Variants in OTOF observed in about 807,000 individuals in gnomAD.
The protein encoded by OTOF is otoferlin.
A neutral mutation model predicts 236.8 loss-of-function variants in OTOF; 218 were observed. The ratio of observed to expected loss-of-function variants is 0.92; its 90% confidence interval spans 0.82 to 1.03. OTOF has a LOEUF of 1.03. Ranked by LOEUF, OTOF falls within the 50% of genes least tolerant of loss-of-function variation. The probability of loss-of-function intolerance (pLI) is 0.00; values close to 1 mark genes in which losing one functional copy is unlikely to be tolerated. For missense variants in OTOF, 2,590 were observed against 2,694.4 expected, an observed-to-expected ratio of 0.96 and a Z score of 0.86; for synonymous variants, 1,041 against 1,072.5, an observed-to-expected ratio of 0.97 and a Z score of 0.57.
At chr2:26,464,837 G>T (rs778848996) in intron 39 of OTOF, 32 bp downstream of exon 39, 12 of 1,593,178 alleles carry the variant, frequency 7.5e-6, no homozygotes, top group Admixed American at 1.7e-5. Context: ...CCCTGGAGAG[G>T]GGGCAGGCGG....
chr2:26,473,177 T>C lies in OTOF; in HGVS notation c.3688A>G (p.Ile1230Val), dbSNP rs1228398927. 9.3e-6 allele frequency: 15 copies of C among 1,612,800 alleles called. No homozygotes were observed. The highest frequency in any genetic ancestry group is 1.3e-5 in the African/African-American group (1 of 74,888). The part of the protein sequence containing the change: ...SHAVSSLRRF[I>V]YRPPDRSAPS... ...GCCGAGCGGTCTGGGGGCCGGTAGATGAAGCGTCGCAGGGAGCTGACGGCA... is the reference window on the plus strand; with the variant it reads ...GCCGAGCGGTCTGGGGGCCGGTAGACGAAGCGTCGCAGGGAGCTGACGGCA... The change falls in exon 29 of 47, where the codon ATC becomes GTC. Residue 1230 changes from isoleucine to valine, a missense_variant. Physicochemically the swap from Ile to Val is conservative, Grantham distance 29 (BLOSUM62 3). This residue lies in a region of OTOF where 1,211 missense variants were observed against 1,352.8 expected (regional missense o/e 0.90). Coordinates refer to ENST00000272371, the MANE Select transcript of OTOF (RefSeq NM_194248.3). This position sits in a 1 kb window ranked among gnomAD's most constrained non-coding sequence, Gnocchi z 7.2.
intron 3 of OTOF, among the ~76,000 whole-genome samples, chr2:26,519,913 T>G (rs1666634577): frequency 6.6e-6 from 1 of 152,206 alleles, no homozygotes; most frequent in Admixed American, 6.5e-5. Flanking sequence ...ATGTACTGCC[T>G]CTAAACTGTG....
chr2:26,546,331 C>T (rs1452392172), intron 1 of OTOF, among the ~76,000 whole-genome samples: 1 of 152,014 alleles, frequency 6.6e-6, no homozygotes, highest in Non-Finnish European at 1.5e-5. Context: ...AGTGATGGTG[C>T]ATGCCTGTAA....
Position 26,460,120 on chromosome 2 carries a change from G to T in OTOF, c.5899C>A (p.Leu1967Ile). Residue 1967 changes from leucine (L) to isoleucine (I), a missense_variant, in exon 46 of 47, where the codon CTC (leucine) becomes ATC (isoleucine). Coordinates refer to ENST00000272371, the MANE Select transcript of OTOF (RefSeq NM_194248.3). The surrounding 1 kb of genome is among the most constrained non-coding windows in gnomAD (Gnocchi z 5.3). ...AGCAGCAGGAGCAGCAACAGTTTGA[G>T]GAGCAGCCAGCGATACGTGTGCCAC... ...FLWHTYRWLLLKLLLLLLLLL... is the reference protein window; with the variant it reads ...FLWHTYRWLLIKLLLLLLLLL... The T allele has an allele frequency of 6.3e-7, 1 of 1,593,978 alleles. No homozygotes were observed. The highest frequency in any genetic ancestry group is 2.3e-5 in the East Asian group (1 of 44,228).
At chr2:26,471,231 T>C in intron 30 of OTOF, 81 bp from the exon 31 acceptor site, 1 of 1,520,584 alleles carries the variant, frequency 6.6e-7, no homozygotes, top group Non-Finnish European at 9.1e-7. Context: ...ACAGGGTGTG[T>C]GGAGGAGCCG....
In OTOF at chr2:26,477,707, T is replaced by C; in HGVS notation, c.2257A>G (p.Lys753Glu). The C allele has an allele frequency of 6.2e-7, 1 of 1,612,660 alleles. No homozygotes were observed. The highest frequency in any genetic ancestry group is 8.5e-7 in the Non-Finnish European group (1 of 1,179,970). Residue 753 changes from lysine (K) to glutamate (E), a missense_variant, in exon 19 of 47, where the codon AAG (lysine) becomes GAG (glutamate). Physicochemically the swap from Lys to Glu is moderately conservative, Grantham distance 56. Transcript: ENST00000272371. The surrounding 1 kb of genome is among the most constrained non-coding windows in gnomAD (Gnocchi z 4.7). The stretch of plus-strand genomic sequence containing the variant: ...CGCAGGCGACGCTCAGGGTAGGACT[T>C]CTCCGTTTTGATCATCTCCTGTATG... ...NDIQEMIKTE[K>E]SYPERRLRGV...
In OTOF at chr2:26,460,638, G is replaced by A. The variant is rs1328837186; in HGVS notation, c.5813+9C>T. The A allele has an allele frequency of 1.2e-6, 2 of 1,609,638 alleles. No homozygotes were observed. The highest frequency in any genetic ancestry group is 1.7e-5 in the Admixed American group (1 of 59,982). On this transcript the variant is annotated intron_variant, in intron 45 of 46. Transcript: ENST00000272371. This position sits in a 1 kb window ranked among gnomAD's most constrained non-coding sequence, Gnocchi z 5.3. ...GAGTGGGGAGGGGCTGGGCCGGCAG[G>A]GCACTCACTTGGGTTTCTCTAGGGG...
At chr2:26,485,379 C>T (rs578260798) in intron 11 of OTOF, among the ~76,000 whole-genome samples, 25 of 152,190 alleles carry the variant, frequency 1.6e-4, no homozygotes, top group Non-Finnish European at 3.1e-4. Context: ...TCTCTGTGCT[C>T]TCCATGCACA....
chr2:26,527,943 G>C, intron 2 of OTOF, 23 bp from the exon 3 acceptor site: 2 of 1,566,680 alleles, frequency 1.3e-6, no homozygotes, highest in Non-Finnish European at 1.8e-6. Context: ...GGACAACTGC[G>C]GCTTCGGTGG....
In OTOF at chr2:26,482,501, A is replaced by C; in HGVS notation, c.1484T>G (p.Met495Arg). ...TDLFPPLCKRMKVQIRDSDKV... is the reference protein window; with the variant it reads ...TDLFPPLCKRRKVQIRDSDKV... ...GTCCGAGTCTCGGATCTGCACCTTCATGCGTTTGCAGAGTGGGGGGAAGAG... is the reference window on the plus strand; with the variant it reads ...GTCCGAGTCTCGGATCTGCACCTTCCTGCGTTTGCAGAGTGGGGGGAAGAG... The change falls in exon 14 of 47, where the codon ATG (methionine) becomes AGG (arginine). Residue 495 changes from methionine to arginine, a missense_variant. By Grantham distance (91) the Met-to-Arg change is moderately conservative. This residue lies in a region of OTOF where 1,379 missense variants were observed against 1,341.6 expected (regional missense o/e 1.03). Transcript: ENST00000272371. The C allele has an allele frequency of 1.2e-6, 2 of 1,613,336 alleles. No individual in the cohort carries two copies. Among genetic ancestry groups the C allele is most frequent in the Middle Eastern group, 1.6e-4 (1 of 6,062 alleles).
chr2:26,494,720 T>C (rs1008033540), intron 9 of OTOF, among the ~76,000 whole-genome samples: 1 of 151,706 alleles, frequency 6.6e-6, no homozygotes, highest in Non-Finnish European at 1.5e-5. Flanking sequence ...GGTGTACGCT[T>C]CAAAGACCAG....
intron 3 of OTOF, among the ~76,000 whole-genome samples, chr2:26,521,228 A>ATGGCTGGT (rs1666668819): frequency 6.6e-6 from 1 of 152,150 alleles, no homozygotes; most frequent in African/African-American, 2.4e-5. Flanking sequence ...CCCTTTGTGG[A>ATGGCTGGT]TGGCTATTCA....
chr2:26,517,016 G>A (rs567913664), intron 4 of OTOF, among the ~76,000 whole-genome samples: 4 of 152,178 alleles, frequency 2.6e-5, no homozygotes, highest in African/African-American at 7.2e-5. Flanking sequence ...GGCGCGGCCC[G>A]CCAGAAATCG....
chr2:26,523,506 G>A (rs115524171), intron 3 of OTOF, among the ~76,000 whole-genome samples: 562 of 152,264 alleles, frequency 3.7e-3, no homozygotes, highest in African/African-American at 0.012. Flanking sequence ...CTCCCAGGCA[G>A]CTCCTCCATG....
chr2:26,483,272 C>T (rs1018808268), intron 13 of OTOF, among the ~76,000 whole-genome samples, 190 bp downstream of exon 13: 5 of 152,116 alleles, frequency 3.3e-5, no homozygotes, highest in Admixed American at 1.3e-4. Context: ...TCTCCTCCCT[C>T]TCATGCCCCC....
At position 26,480,177 on chromosome 2, in the gene OTOF, G is replaced by A. The variant is rs749952042; in HGVS notation, c.1912+26C>T. 1.7e-5 allele frequency: 24 copies of A among 1,423,434 alleles called. 1 individual carries two copies. In the South Asian group the frequency reaches 1.8e-4, roughly 11 times the overall value. 88.2% of individuals were successfully genotyped at this position (1,423,434 alleles called of 1,614,324 possible). ...GTGGGCCCAGCACTCACCTAGGCCC[G>A]AAGCCCCCGTGGGCCCAGCACTCAC... On this transcript the variant is annotated intron_variant, in intron 16 of 46. Coordinates refer to ENST00000272371, the MANE Select transcript of OTOF (RefSeq NM_194248.3).
chr2:26,528,825 G>A (rs186188029), intron 2 of OTOF, among the ~76,000 whole-genome samples: 43 of 152,326 alleles, frequency 2.8e-4, no homozygotes, highest in African/African-American at 8.9e-4. Flanking sequence ...TGTCCTAGGC[G>A]TAGTGTTTTT....
At chr2:26,484,737 C>CCTAGGGACCAAGAGCTGTGGT (rs1665660560) in intron 11 of OTOF, 104 bp from the exon 12 acceptor site, 1 of 1,191,062 alleles carries the variant, frequency 8.4e-7, no homozygotes, top group South Asian at 1.4e-5. Flanking sequence ...CTGTCTTGGT[C>CCTAGGGACCAAGAGCTGTGGT]CCTAGAGTCC....
At chr2:26,472,814 G>C (rs141426162) in intron 29 of OTOF, among the ~76,000 whole-genome samples, 165 bp from the exon 30 acceptor site, 158 of 152,252 alleles carry the variant, frequency 1.0e-3, no homozygotes, top group African/African-American at 3.6e-3. Context: ...GAGGGAAGAA[G>C]AGAGCCCGAG....
Sources: allele counts gnomAD v4.1 joint callset (sites outside exome capture counted in the v4.1 genomes callset), GRCh38; gene constraint gnomAD v4.1.1; regional missense constraint gnomAD v4.1.1; non-coding constraint Gnocchi (gnomAD v3.1); transcripts MANE v1.5; gene names NCBI Gene and HGNC (gene_info 2026-07-23, HGNC 2026-07-21).